Variants in CRLF1 observed in about 807,000 individuals in gnomAD.
CRLF1 encodes cytokine receptor like factor 1.
A neutral mutation model predicts 48.9 loss-of-function variants in CRLF1; 36 were observed. The ratio of observed to expected loss-of-function variants is 0.74; its 90% CI spans 0.56 to 0.97. The LOEUF is 0.97. Among genes scored for constraint, CRLF1 ranks in the 50% least tolerant of loss-of-function variants. The pLI is 0.00. For synonymous variants in CRLF1, 256 were observed against 253.4 expected, an observed-to-expected ratio of 1.01 and a Z score of -0.10; for missense variants, 534 against 575.1, an observed-to-expected ratio of 0.93 and a Z score of 0.73.
At position 18,593,585 on chromosome 19, in the gene CRLF1, G is replaced by C; in HGVS notation, c.1256-6C>G. 2 of 1,608,132 alleles carry C rather than the reference G, an allele frequency of 1.2e-6. No individual in the cohort carries two copies. The highest frequency in any genetic ancestry group is 1.7e-6 in the Non-Finnish European group (2 of 1,177,724). Reference sequence around the variant, plus strand: ...TACAGCTTATCTGGCAGGACCTGCAGGCAGAGGGGAAGCCAAGCTAAGCAG... The same window carrying C: ...TACAGCTTATCTGGCAGGACCTGCACGCAGAGGGGAAGCCAAGCTAAGCAG... On this transcript the variant is annotated splice_region_variant and splice_polypyrimidine_tract_variant and intron_variant, in intron 8 of 8. Transcript: ENST00000392386.
chr19:18,597,026 C>A lies in CRLF1; in HGVS notation c.721G>T (p.Val241Leu), dbSNP rs1053965602. The A allele has an allele frequency of 6.2e-7, 1 of 1,612,860 alleles. No individual in the cohort carries two copies. Among genetic ancestry groups the A allele is most frequent in the Non-Finnish European group, 8.5e-7 (1 of 1,179,622 alleles). The change falls in exon 5 of 9, where the codon GTG becomes TTG. Residue 241 changes from valine (V) to leucine (L), a missense_variant. Physicochemically the swap from Val to Leu is conservative, Grantham distance 32. Transcript: ENST00000392386. Reference protein sequence around the residue: ...DVVTTDPPPDVHVSRVGGLED... With the variant: ...DVVTTDPPPDLHVSRVGGLED... ...AGGCCCCCGACGCGGCTCACGTGCA[C>A]GTCGGGCGGGGGGTCCGTGGTCACT...
intron 8 of CRLF1, 33 bp downstream of exon 8, chr19:18,594,032 T>TGGGGACC: frequency 1.4e-6 from 1 of 695,810 alleles, no homozygotes; most frequent in Non-Finnish European, 2.2e-6. Flanking sequence ...CTCCCCTTGC[T>TGGGGACC]CCCTCCCGCC....
At chr19:18,596,523 G>A in intron 6 of CRLF1, 99 bp downstream of exon 6, 6 of 1,423,044 alleles carry the variant, frequency 4.2e-6, no homozygotes, top group Non-Finnish European at 5.7e-6. Context: ...ATGAGGCCGT[G>A]TCTCAAAAGA....
In CRLF1 at chr19:18,593,317, C is replaced by T. The variant is rs1976080515; in HGVS notation, c.*249G>A. ...GGGGAGTAATGACTCCCCTTCTCAC[C>T]CCCAGCCCTGGCAGGGGTTCTAGGC... On this transcript the variant is annotated 3_prime_UTR_variant, in exon 9 of 9. Transcript: ENST00000392386. 3.6e-6 allele frequency: 2 copies of T among 557,780 alleles called. No homozygotes were observed. The highest frequency in any genetic ancestry group is 4.6e-5 in the South Asian group (2 of 43,722). 34.6% of individuals were successfully genotyped at this position (557,780 alleles called of 1,614,324 possible). A position where few individuals can be genotyped will look rare whatever the true frequency, so the allele number is the denominator to read the frequency against.
At chr19:18,595,051 G>A (rs901738102) in intron 6 of CRLF1, among the ~76,000 whole-genome samples, 3 of 152,162 alleles carry the variant, frequency 2.0e-5, no homozygotes, top group African/African-American at 7.2e-5. Flanking sequence ...ACAGGGAGTG[G>A]GCCAGGAGGG....
intron 4 of CRLF1, among the ~76,000 whole-genome samples, chr19:18,598,085 A>G (rs1383331474): frequency 1.3e-5 from 2 of 151,982 alleles, no homozygotes; most frequent in African/African-American, 4.8e-5. Flanking sequence ...TGCGCCCCCC[A>G]GCTCCAGGCC....
intron 8 of CRLF1, 33 bp downstream of exon 8, chr19:18,594,032 T>TGGGGGCCC: frequency 1.4e-4 from 97 of 695,648 alleles, no homozygotes; most frequent in Middle Eastern, 4.3e-4. Context: ...CTCCCCTTGC[T>TGGGGGCCC]CCCTCCCGCC....
chr19:18,600,066 C>T (rs1976200041), intron 1 of CRLF1, among the ~76,000 whole-genome samples: 2 of 152,158 alleles, frequency 1.3e-5, no homozygotes, highest in Non-Finnish European at 2.9e-5. Flanking sequence ...TGTCTGACTC[C>T]AACACTGGAT....
rs1376871237 is a variant in CRLF1 at position 18,594,440 on chromosome 19, G to A, written c.1025-6C>T. Reference sequence around the variant, plus strand: ...GCCGCCCGGGCCCGGGCGCTCTGGTGGTGGGCGGAGCGGCAGTGTCAGAGC... The same window carrying A: ...GCCGCCCGGGCCCGGGCGCTCTGGTAGTGGGCGGAGCGGCAGTGTCAGAGC... On this transcript the variant is annotated splice_polypyrimidine_tract_variant and splice_region_variant and intron_variant, in intron 6 of 8. Coordinates refer to ENST00000392386, the MANE Select transcript of CRLF1 (RefSeq NM_004750.5). The A allele has an allele frequency of 1.4e-6, 2 of 1,429,176 alleles. No homozygotes were observed. The highest frequency in any genetic ancestry group is 1.8e-6 in the Non-Finnish European group (2 of 1,093,192). The allele number at this position is 1,429,176 out of a possible 1,614,324, so 88.5% of individuals were successfully genotyped here.
chr19:18,599,117 T>G (rs1435610190), intron 2 of CRLF1: 1 of 985,226 alleles, frequency 1.0e-6, no homozygotes. Context: ...GTTCTTTTTC[T>G]TTTTTCGAGG....
rs137853145 is a variant in CRLF1, at chr19:18,596,918, G to T, written c.829C>A (p.Arg277=). ...TTCCAGTCCACACTGTCCTCCACTCGGTAGCGGATCTGGTATTTGGCTTGA... is the reference window on the plus strand; with the variant it reads ...TTCCAGTCCACACTGTCCTCCACTCTGTAGCGGATCTGGTATTTGGCTTGA... The part of the protein sequence containing the change: ...LFQAKYQIRY[R]VEDSVDWKVV... Residue 277 remains arginine, a synonymous_variant, in exon 5 of 9, where the codon CGA becomes AGA. Transcript: ENST00000392386. 1.9e-6 allele frequency: 3 copies of T among 1,614,158 alleles called. No homozygotes were observed. Among genetic ancestry groups the T allele is most frequent in the Admixed American group, 1.7e-5 (1 of 60,028 alleles).
chr19:18,595,521 T>C (rs1976121155), intron 6 of CRLF1, among the ~76,000 whole-genome samples: 1 of 152,200 alleles, frequency 6.6e-6, no homozygotes, highest in Non-Finnish European at 1.5e-5. Flanking sequence ...AGAGCCTCAG[T>C]GTCCTCACCT....
intron 1 of CRLF1, among the ~76,000 whole-genome samples, chr19:18,603,817 C>G (rs1323467843): frequency 6.6e-6 from 1 of 151,242 alleles, no homozygotes; most frequent in East Asian, 2.0e-4. Flanking sequence ...TGGCCCAGGG[C>G]TCGCCGGAGG....
At position 18,599,582 on chromosome 19, in the gene CRLF1, G is replaced by C. The variant is rs1323625450; in HGVS notation, c.380C>G (p.Ser127Cys). The part of the protein sequence containing the change: ...HARDGSILAG[S>C]CLYVGLPPEK... ...CAACTTACGGCCAACATAGAGGCAG[G>C]AGCCAGCCAGGATGCTGCCGTCACG... The change falls in exon 2 of 9, where the codon TCC becomes TGC. Residue 127 changes from serine to cysteine, a missense_variant. Ser to Cys is a moderately radical substitution (Grantham distance 112, BLOSUM62 -1). Around this residue, in one of 2 missense-constraint regions of CRLF1, gnomAD observed 528 missense variants for 555.7 expected, o/e 0.95. Coordinates refer to ENST00000392386, the MANE Select transcript of CRLF1 (RefSeq NM_004750.5). 6.2e-7 allele frequency: 1 copy of C among 1,612,478 alleles called. No individual in the cohort carries two copies.
chr19:18,597,032 G>A lies in CRLF1; in HGVS notation c.715C>T (p.Pro239Ser), dbSNP rs201795161. 1 of 1,612,734 alleles carries A rather than the reference G, an allele frequency of 6.2e-7. No homozygotes were observed. The highest frequency in any genetic ancestry group is 8.5e-7 in the Non-Finnish European group (1 of 1,179,554). ...CCGACGCGGCTCACGTGCACGTCGG[G>A]CGGGGGGTCCGTGGTCACTGCGGGG... is the stretch of plus-strand genomic sequence containing the variant. ...ILDVVTTDPP[P>S]DVHVSRVGGL... The change falls in exon 5 of 9, where the codon CCC becomes TCC. Residue 239 changes from proline to serine, a missense_variant. Around this residue, in one of 2 missense-constraint regions of CRLF1, gnomAD observed 528 missense variants for 555.7 expected, o/e 0.95. Transcript: ENST00000392386.
In CRLF1 at chr19:18,593,486, G is replaced by C. The variant is rs1976083111; in HGVS notation, c.*80C>G. ...GAGGGTGGCTCAGGTGCCCTGAAGT[G>C]AGGGTACAGAGGTGGCCCCAGTTTG... On this transcript the variant is annotated 3_prime_UTR_variant, in exon 9 of 9. Coordinates refer to ENST00000392386, the MANE Select transcript of CRLF1 (RefSeq NM_004750.5). 3.2e-6 allele frequency: 5 copies of C among 1,586,416 alleles called. No homozygotes were observed. In the South Asian group the frequency reaches 4.6e-5, roughly 14 times the overall value.
rs762070024 is a variant in CRLF1, at chr19:18,596,880, G to A, written c.855+12C>T. 2.5e-6 allele frequency: 4 copies of A among 1,614,026 alleles called. No individual in the cohort carries two copies. In the South Asian group the frequency reaches 3.3e-5, roughly 13 times the overall value. On this transcript the variant is annotated intron_variant, in intron 5 of 8. Coordinates refer to ENST00000392386, the MANE Select transcript of CRLF1 (RefSeq NM_004750.5). ...AAGGAACAGGGGCGGAGTCAGGGAA[G>A]GGGAGGGTCACCTTCCAGTCCACAC...
chr19:18,604,983 G>C (rs1018364284), intron 1 of CRLF1, among the ~76,000 whole-genome samples: 3 of 152,136 alleles, frequency 2.0e-5, no homozygotes, highest in Non-Finnish European at 4.4e-5. Flanking sequence ...CCCCACGGGG[G>C]TCCCCATCTC....
At chr19:18,594,515 G>A (rs1976104181) in intron 6 of CRLF1, 81 bp from the exon 7 acceptor site, 1 of 1,090,308 alleles carries the variant, frequency 9.2e-7, no homozygotes, top group Non-Finnish European at 1.2e-6. Flanking sequence ...CCCCGGCGCG[G>A]CGGGACCATG....
Sources: gnomAD v4.1 joint callset for allele counts (sites outside exome capture counted in the v4.1 genomes callset) on GRCh38, gnomAD v4.1.1 for gene constraint, gnomAD v4.1.1 regional missense constraint, MANE v1.5 for transcripts, NCBI Gene and HGNC (gene_info 2026-07-23, HGNC 2026-07-21) for gene names.